The following APC2 variants were observed in gnomAD, a reference collection of about 807,000 sequenced individuals.
APC2 encodes APC regulator of Wnt signaling pathway 2.
APC2 carries 41 observed loss-of-function variants against 72.5 expected under a neutral mutation model. The ratio of observed to expected loss-of-function variants is 0.57; its 90% confidence interval spans 0.44 to 0.73. The LOEUF (loss-of-function observed/expected upper bound fraction) is 0.73, where lower values mean the gene tolerates loss of function less well. Among genes scored for constraint, APC2 ranks in the 30% least tolerant of loss-of-function variants. The pLI is 0.00. For missense variants in APC2, 3,729 were observed against 3,403.4 expected, an observed-to-expected ratio of 1.10 and a Z score of -2.38; for synonymous variants, 1,898 against 1,612.0, an observed-to-expected ratio of 1.18 and a Z score of -4.25.
At chr19:1,457,537 A>G (rs2083854406) in intron 9 of APC2, 9 of 527,298 alleles carry the variant, frequency 1.7e-5, no homozygotes, top group Non-Finnish European at 3.0e-5. Flanking sequence ...AGTTGATCGC[A>G]AAGTTAATAT....
Position 1,465,817 on chromosome 19 carries a change from TGGCGGCCAAGGCCAA to T in APC2, c.2520_2534del (p.Ala841_Ala845del), listed in dbSNP as rs2084000604. On this transcript the variant is annotated inframe_deletion, in exon 15 of 15. Transcript: ENST00000590469. The stretch of plus-strand genomic sequence containing the variant: ...AAGGACACCAGTGGGGAGGCAGCCG[TGGCGGCCAAGGCCAA>T]GGCCAAGCTGGCGCTTGCAGTGGCG... The T allele has an allele frequency of 6.3e-7, 1 of 1,581,478 alleles. No homozygotes were observed. Among genetic ancestry groups the T allele is most frequent in the East Asian group, 2.3e-5 (1 of 44,052 alleles).
intron 14 of APC2, 52 bp from the exon 15 acceptor site, chr19:1,465,103 T>G: frequency 1.3e-6 from 2 of 1,549,610 alleles, no homozygotes; most frequent in South Asian, 2.4e-5. Flanking sequence ...CATCCTTCGG[T>G]GGGCAGGGGA....
rs2084149320 is a variant in APC2, at chr19:1,472,387, A to C, written c.*2174A>C. 1 of 152,254 alleles carries C rather than the reference A, an allele frequency of 6.6e-6. No homozygotes were observed. Among genetic ancestry groups the C allele is most frequent in the African/African-American group, 2.4e-5 (1 of 41,456 alleles). 9.4% of individuals were successfully genotyped at this position (152,254 alleles called of 1,614,324 possible). On this transcript the variant is annotated 3_prime_UTR_variant, in exon 15 of 15. Transcript: ENST00000590469. Reference sequence around the variant, plus strand: ...GTGCGGCATTGCCTTCCACATATGTAAGTCTCTGGGCGGCGCCCTCCCAGC... The same window carrying C: ...GTGCGGCATTGCCTTCCACATATGTCAGTCTCTGGGCGGCGCCCTCCCAGC...
At chr19:1,458,230 C>T (rs2083869163) in intron 10 of APC2, 170 bp downstream of exon 10, 1 of 643,608 alleles carries the variant, frequency 1.6e-6, no homozygotes, top group East Asian at 2.7e-5. Context: ...AGTGGACCGT[C>T]ACCCTGGGCC....
Position 1,461,944 on chromosome 19 carries a change from T to G in APC2, c.1639-19T>G. ...GGCCACTCAGGCCCTGACCCGCCCC[T>G]CTCCCGCCCCTCGTCCAGGAGTCCA... On this transcript the variant is annotated intron_variant, in intron 13 of 14. Coordinates refer to ENST00000590469, the MANE Select transcript of APC2 (RefSeq NM_005883.3). 2.5e-6 allele frequency: 3 copies of G among 1,217,402 alleles called. No homozygotes were observed. Among genetic ancestry groups the G allele is most frequent in the African/African-American group, 1.5e-5 (1 of 64,830 alleles). 75.4% of individuals were successfully genotyped at this position (1,217,402 alleles called of 1,614,324 possible). A position where few individuals can be genotyped will look rare whatever the true frequency, so the allele number is the denominator to read the frequency against.
chr19:1,456,811 G>A, intron 8 of APC2, 42 bp from the exon 9 acceptor site: 1 of 1,569,312 alleles, frequency 6.4e-7, no homozygotes. Context: ...GGTGTGCGGG[G>A]GGCAGGTGAG....
At position 1,453,147 on chromosome 19, in the gene APC2, G is replaced by A. The variant is rs774871929; in HGVS notation, c.141+5G>A. 1 of 1,596,658 alleles carries A rather than the reference G, an allele frequency of 6.3e-7. No individual in the cohort carries two copies. Among genetic ancestry groups the A allele is most frequent in the Non-Finnish European group, 8.5e-7 (1 of 1,172,178 alleles). ...ACAGAGACGTCGGGCATGAAGGTGGGGGCCTACATGGAGGAGGTGGGCTAG... is the reference window on the plus strand; with the variant it reads ...ACAGAGACGTCGGGCATGAAGGTGGAGGCCTACATGGAGGAGGTGGGCTAG... On this transcript the variant is annotated splice_donor_5th_base_variant and intron_variant, in intron 2 of 14. Coordinates refer to ENST00000590469, the MANE Select transcript of APC2 (RefSeq NM_005883.3).
At chr19:1,457,898 G>GGGGGGGGGAC in intron 9 of APC2, 67 bp from the exon 10 acceptor site, 1 of 1,432,324 alleles carries the variant, frequency 7.0e-7, no homozygotes, top group Non-Finnish European at 9.4e-7. Context: ...CGGGTTGCGG[G>GGGGGGGGGAC]ACCTTCGGGA....
chr19:1,466,661 C>T lies in APC2; in HGVS notation c.3360C>T (p.Thr1120=). ...GCACGTGGCGGGCGCCCGGGGCCAC[C>T]TCGCTGCCCGTAGCCATTCCGGCTC... ...LDSTWRAPGA[T]SLPVAIPAPR... Residue 1120 remains threonine (T), a synonymous_variant, in exon 15 of 15, where the codon ACC becomes ACT. Coordinates refer to ENST00000590469, the MANE Select transcript of APC2 (RefSeq NM_005883.3). 6.7e-7 allele frequency: 1 copy of T among 1,496,616 alleles called. No individual in the cohort carries two copies. Among genetic ancestry groups the T allele is most frequent in the Non-Finnish European group, 8.9e-7 (1 of 1,123,500 alleles). The allele number at this position is 1,496,616 out of a possible 1,614,324, so 92.7% of individuals were successfully genotyped here.
intron 4 of APC2, among the ~76,000 whole-genome samples, chr19:1,453,844 T>C (rs1569139971): frequency 6.6e-6 from 1 of 151,912 alleles, no homozygotes; most frequent in Non-Finnish European, 1.5e-5. Flanking sequence ...TCAGAGAGGA[T>C]GGGGGACGTT....
chr19:1,456,107 A>C lies in APC2; in HGVS notation c.671A>C (p.Lys224Thr). The C allele has an allele frequency of 6.3e-7, 1 of 1,591,224 alleles. No homozygotes were observed. Among genetic ancestry groups the C allele is most frequent in the Non-Finnish European group, 8.5e-7 (1 of 1,171,304 alleles). The change falls in exon 7 of 15, where the codon AAG becomes ACG. Residue 224 changes from lysine (K) to threonine (T), a missense_variant. By Grantham distance (78) the Lys-to-Thr change is moderately conservative. Transcript: ENST00000590469. Reference protein sequence around the residue: ...IRASRLEQIDKELLEAQDRVQ... With the variant: ...IRASRLEQIDTELLEAQDRVQ... ...GCCTCGCGCCTGGAGCAGATTGACA[A>C]GGAGCTGCTGGAGGCGCAGGACCGA...
Position 1,468,177 on chromosome 19 carries a change from G to A in APC2, c.4876G>A (p.Glu1626Lys). 6.9e-7 allele frequency: 1 copy of A among 1,453,112 alleles called. No homozygotes were observed. The highest frequency in any genetic ancestry group is 9.0e-7 in the Non-Finnish European group (1 of 1,111,932). The allele number at this position is 1,453,112 out of a possible 1,614,324, so 90.0% of individuals were successfully genotyped here. Residue 1626 changes from glutamate to lysine, a missense_variant, in exon 15 of 15, where the codon GAG becomes AAG. Coordinates refer to ENST00000590469, the MANE Select transcript of APC2 (RefSeq NM_005883.3). Reference sequence around the variant, plus strand: ...CAGCTCGCCCAGCCCGCGGGCCGCGGAGGAGCTTCTGCAGCGGTGCATCAG... The same window carrying A: ...CAGCTCGCCCAGCCCGCGGGCCGCGAAGGAGCTTCTGCAGCGGTGCATCAG... ...RDSSPSPRAA[E>K]ELLQRCISSA... is the part of the protein sequence containing the mutation.
At chr19:1,460,424 G>A in intron 11 of APC2, 104 bp downstream of exon 11, 1 of 1,537,518 alleles carries the variant, frequency 6.5e-7, no homozygotes, top group Non-Finnish European at 8.9e-7. Context: ...TGAGAGCTGG[G>A]GCCACTTGTC....
In APC2 at chr19:1,462,182, GC is replaced by G; in HGVS notation, c.1853+10del. 1 of 1,535,432 alleles carries G rather than the reference GC, an allele frequency of 6.5e-7. No homozygotes were observed. The highest frequency in any genetic ancestry group is 8.8e-7 in the Non-Finnish European group (1 of 1,139,638). ...CGCCACCCGTGAGGACTACAGGTCGGCCCCCACCCCCCCACCCGCACACAGG... is the reference window on the plus strand; with the variant it reads ...CGCCACCCGTGAGGACTACAGGTCGGCCCCACCCCCCCACCCGCACACAGG... On this transcript the variant is annotated splice_donor_region_variant and intron_variant, in intron 14 of 14. Coordinates refer to ENST00000590469, the MANE Select transcript of APC2 (RefSeq NM_005883.3).
At chr19:1,460,435 C>A in intron 11 of APC2, 115 bp downstream of exon 11, 1 of 1,492,788 alleles carries the variant, frequency 6.7e-7, no homozygotes, top group Admixed American at 1.9e-5. Context: ...GCCACTTGTC[C>A]CCAACTTACA....
intron 11 of APC2, 141 bp from the exon 12 acceptor site, chr19:1,460,639 T>C (rs2145211071): frequency 2.1e-6 from 2 of 963,344 alleles, no homozygotes; most frequent in African/African-American, 1.6e-5. Context: ...GACCTGAGCA[T>C]GGGGTAACCG....
In APC2 at chr19:1,465,153, A is replaced by G; in HGVS notation, c.1854-2A>G. The G allele has an allele frequency of 6.3e-7, 1 of 1,595,718 alleles. No homozygotes were observed. Among genetic ancestry groups the G allele is most frequent in the Non-Finnish European group, 8.5e-7 (1 of 1,172,084 alleles). ...CCAGGCTAACCCGCCCTGTGCCTAC[A>G]GGCAGGTGCTCCGGGATCACAACTG... On this transcript the variant is annotated splice_acceptor_variant, in intron 14 of 14. Coordinates refer to ENST00000590469, the MANE Select transcript of APC2 (RefSeq NM_005883.3). LOFTEE classifies it high-confidence loss of function.
At position 1,450,357 on chromosome 19, in the gene APC2, G is replaced by A. The variant is rs899004189; in HGVS notation, c.-19+19G>A. 1.0e-6 allele frequency: 1 copy of A among 985,416 alleles called. No homozygotes were observed. Among genetic ancestry groups the A allele is most frequent in the Non-Finnish European group, 1.2e-6 (1 of 829,978 alleles). The allele number at this position is 985,416 out of a possible 1,614,324, so 61.0% of individuals were successfully genotyped here. The stretch of plus-strand genomic sequence containing the variant: ...TAAGCGGGTGTGTGTCCTCGGGGAG[G>A]AGGGCAGGGGCGCGACCTCCGCCTC... On this transcript the variant is annotated intron_variant, in intron 1 of 14. Coordinates refer to ENST00000590469, the MANE Select transcript of APC2 (RefSeq NM_005883.3).
chr19:1,456,965 G>A lies in APC2; in HGVS notation c.929G>A (p.Arg310His), dbSNP rs1599138394. 1 of 1,540,768 alleles carries A rather than the reference G, an allele frequency of 6.5e-7. No homozygotes were observed. The highest frequency in any genetic ancestry group is 1.9e-5 in the Admixed American group (1 of 51,372). ...CCCGAGAGCTGCGTGGCCATGCGCC[G>A]CTCGGGCTGTCTGCCTCTGCTGCTG... The part of the protein sequence containing the change: ...SSPESCVAMR[R>H]SGCLPLLLQI... Residue 310 changes from arginine to histidine, a missense_variant, in exon 9 of 15, where the codon CGC becomes CAC. Arg to His is a conservative substitution (Grantham distance 29). Coordinates refer to ENST00000590469, the MANE Select transcript of APC2 (RefSeq NM_005883.3).
Sources: allele counts gnomAD v4.1 joint callset (sites outside exome capture counted in the v4.1 genomes callset), GRCh38; gene constraint gnomAD v4.1.1; transcripts MANE v1.5; gene names NCBI Gene and HGNC (gene_info 2026-07-23, HGNC 2026-07-21).